ZNF469: variants seen among roughly 807,000 people sequenced by gnomAD.
The protein encoded by ZNF469 is zinc finger protein 469.
Under a neutral mutation model 1.0 loss-of-function variants are expected in ZNF469, and 1 was observed. The observed-to-expected ratio is 1.00, with a 90% CI of 0.35 to 4.73. The LOEUF (loss-of-function observed/expected upper bound fraction) is 4.73. ZNF469 is among the 30% of genes most tolerant of loss of function. The pLI is 0.16. For missense variants in ZNF469, 6,100 were observed against 5,356.3 expected (o/e 1.14, Z -4.33); for synonymous variants, 2,703 against 2,363.4 (o/e 1.14, Z -4.17).
chr16:88,304,557 C>T, the ZNF469 span, among the ~76,000 whole-genome samples: 1 of 152,120 alleles, frequency 6.6e-6, no homozygotes, highest in African/African-American at 2.4e-5. Context: ...CCCATATCCA[C>T]CCGACTCAGC....
chr16:88,176,541 G>T, the ZNF469 span, among the ~76,000 whole-genome samples: 1 of 152,246 alleles, frequency 6.6e-6, no homozygotes, highest in African/African-American at 2.4e-5. Context: ...TAGCAGAGAC[G>T]CAATGGCGGC....
chr16:88,209,191 C>T, the ZNF469 span, among the ~76,000 whole-genome samples: 2 of 152,188 alleles, frequency 1.3e-5, no homozygotes, highest in Non-Finnish European at 2.9e-5. Flanking sequence ...AAATGTCGCT[C>T]CCTAGTCCAT....
In ZNF469 at chr16:88,438,685, C is replaced by T. The variant is rs1277494437; in HGVS notation, c.11215C>T (p.Arg3739Cys). ...GPSSQGSGSP[R>C]PGTKTGGGSQ... ...CAGCTCCCAGGGCAGTGGAAGCCCT[C>T]GCCCCGGCACCAAGACAGGAGGTGG... Residue 3739 changes from arginine (R) to cysteine (C), a missense_variant, in exon 3 of 3, where the codon CGC (arginine) becomes TGC (cysteine). Physicochemically the swap from Arg to Cys is radical, Grantham distance 180 (BLOSUM62 -3). Transcript: ENST00000565624. 46 of 1,549,904 alleles carry T rather than the reference C, an allele frequency of 3.0e-5. No homozygotes were observed. The highest frequency in any genetic ancestry group is 9.8e-5 in the East Asian group (4 of 40,896).
At chr16:88,360,881 A>G in the ZNF469 span, among the ~76,000 whole-genome samples, 1 of 152,138 alleles carries the variant, frequency 6.6e-6, no homozygotes, top group African/African-American at 2.4e-5. Context: ...AGCCTCAGGG[A>G]CCGGTTTCAT....
chr16:88,186,327 C>G, the ZNF469 span, among the ~76,000 whole-genome samples: 1 of 152,232 alleles, frequency 6.6e-6, no homozygotes, highest in African/African-American at 2.4e-5. Flanking sequence ...CCTTTCCCCT[C>G]TTTCCTTATA....
At chr16:88,368,169 C>A in the ZNF469 span, among the ~76,000 whole-genome samples, 10 of 152,372 alleles carry the variant, frequency 6.6e-5, no homozygotes, top group Admixed American at 6.5e-4. Context: ...TGCCCAGGGG[C>A]AAGCTTGGCA....
rs146539268 is a variant in ZNF469 at position 88,405,921 on chromosome 16, A to AAC, written c.-191-18870_-191-18869dup. 1.4e-3 allele frequency among the ~76,000 whole-genome samples: 215 copies of AAC among 151,748 alleles called. 1 individual carries two copies. The highest frequency in any genetic ancestry group is 4.3e-3 in the African/African-American group (179 of 41,454). The stretch of plus-strand genomic sequence containing the variant: ...GCGTCCTCCCGACCCCCGCCCCCAA[A>AAC]ACACACACACACACACATCAGAGCG... On this transcript the variant is annotated intron_variant, in intron 1 of 2. Transcript: ENST00000565624.
the ZNF469 span, among the ~76,000 whole-genome samples, chr16:88,371,163 C>A: frequency 6.6e-6 from 1 of 152,260 alleles, no homozygotes; most frequent in Admixed American, 6.5e-5. Flanking sequence ...TGTTACACAG[C>A]AAAGCCTCAC....
chr16:88,395,063 G>A (rs537367414), intron 1 of ZNF469, among the ~76,000 whole-genome samples: 70 of 152,324 alleles, frequency 4.6e-4, no homozygotes, highest in African/African-American at 1.6e-3. Context: ...GCCCCCCGCC[G>A]CAAGGAGTGA....
the ZNF469 span, among the ~76,000 whole-genome samples, chr16:88,263,571 A>C: frequency 6.6e-6 from 1 of 152,174 alleles, no homozygotes; most frequent in Admixed American, 6.5e-5. Flanking sequence ...CATGTGGGCA[A>C]ATCCCTGGGA....
chr16:88,311,184 C>T, the ZNF469 span, among the ~76,000 whole-genome samples: 2 of 152,184 alleles, frequency 1.3e-5, no homozygotes, highest in Non-Finnish European at 2.9e-5. Flanking sequence ...GAGGAAGACC[C>T]TGGGGGCGAA....
the ZNF469 span, among the ~76,000 whole-genome samples, chr16:88,270,389 G>C: frequency 6.6e-6 from 1 of 152,164 alleles, no homozygotes; most frequent in Non-Finnish European, 1.5e-5. Context: ...CCATGTGGCC[G>C]GCCAGCTCAC....
chr16:88,436,961 A>C lies in ZNF469; in HGVS notation c.9491A>C (p.Gln3164Pro). ...GSRELLRGHL[Q>P]ERHAQSKAGP... ...CGGGAGCTGCTGCGGGGGCACCTGC[A>C]GGAGAGGCACGCGCAGAGCAAGGCC... The change falls in exon 3 of 3, where the codon CAG becomes CCG. Residue 3164 changes from glutamine (Q) to proline (P), a missense_variant. By Grantham distance (76) the Gln-to-Pro change is moderately conservative. Transcript: ENST00000565624. The C allele has an allele frequency of 6.7e-7, 1 of 1,499,366 alleles. No homozygotes were observed. Among genetic ancestry groups the C allele is most frequent in the Non-Finnish European group, 8.9e-7 (1 of 1,125,692 alleles). 92.9% of individuals were successfully genotyped at this position (1,499,366 alleles called of 1,614,324 possible).
chr16:88,277,704 C>A, the ZNF469 span, among the ~76,000 whole-genome samples: 1 of 97,168 alleles, frequency 1.0e-5, no homozygotes. Context: ...TAGTGCTGCA[C>A]CACACTGACG....
chr16:88,222,983 G>A, the ZNF469 span, among the ~76,000 whole-genome samples: 1 of 152,198 alleles, frequency 6.6e-6, no homozygotes, highest in East Asian at 1.9e-4. Context: ...ATCCTGATTT[G>A]TAAAAGAGGG....
At chr16:88,121,852 T>G in the ZNF469 span, among the ~76,000 whole-genome samples, 1 of 152,224 alleles carries the variant, frequency 6.6e-6, no homozygotes, top group African/African-American at 2.4e-5. Context: ...TACGCTTCTT[T>G]TTTACTCACT....
the ZNF469 span, among the ~76,000 whole-genome samples, chr16:88,337,730 G>A: frequency 3.9e-5 from 6 of 152,308 alleles, no homozygotes; most frequent in South Asian, 4.1e-4. Flanking sequence ...GCAGCTCGCC[G>A]CAGCTGTGAC....
chr16:88,329,351 G>T, the ZNF469 span, among the ~76,000 whole-genome samples: 6 of 152,350 alleles, frequency 3.9e-5, no homozygotes, highest in East Asian at 1.2e-3. Context: ...ACAGCTAGCC[G>T]ATAAGGGAGG....
chr16:88,270,682 C>T, the ZNF469 span, among the ~76,000 whole-genome samples: 1 of 152,238 alleles, frequency 6.6e-6, no homozygotes, highest in South Asian at 2.1e-4. Flanking sequence ...CGGGAAAATT[C>T]TCCAGGCTGC....
Sources: gnomAD v4.1 joint callset for allele counts (sites outside exome capture counted in the v4.1 genomes callset) on GRCh38, gnomAD v4.1.1 for gene constraint, MANE v1.5 for transcripts, NCBI Gene and HGNC (gene_info 2026-07-23, HGNC 2026-07-21) for gene names.